Variants in AP2S1 observed in about 807,000 individuals in gnomAD.
AP2S1 encodes the protein adaptor related protein complex 2 subunit sigma 1.
A neutral mutation model predicts 21.0 loss-of-function variants in AP2S1; 6 were observed. That is an observed-to-expected ratio of 0.29 (90% CI 0.16 to 0.56). The LOEUF (loss-of-function observed/expected upper bound fraction) is 0.56. Ranked by LOEUF, AP2S1 falls within the 20% of genes least tolerant of loss-of-function variation. The pLI is 0.92. For synonymous variants in AP2S1, 63 were observed against 74.6 expected (o/e 0.84, Z 0.80); for missense variants, 60 against 186.2 (o/e 0.32, Z 3.95).
intron 2 of AP2S1, among the ~76,000 whole-genome samples, chr19:46,842,028 A>AAAATTAG (rs1477539211): frequency 1.3e-5 from 2 of 152,028 alleles, no homozygotes; most frequent in Admixed American, 1.3e-4. Flanking sequence ...AAACATACAA[A>AAAATTAG]AAATTAGTTG....
intron 1 of AP2S1, among the ~76,000 whole-genome samples, chr19:46,848,429 A>C (rs2055674874): frequency 6.6e-6 from 1 of 152,216 alleles, no homozygotes; most frequent in South Asian, 2.1e-4. Context: ...ACTGGCACGT[A>C]CTAAGTGTTA....
At chr19:46,839,294 A>AC in intron 3 of AP2S1, among the ~76,000 whole-genome samples, 171 bp downstream of exon 3, 1 of 43,716 alleles carries the variant, frequency 2.3e-5, no homozygotes, top group Non-Finnish European at 4.2e-5. Flanking sequence ...CTCAAAAAAA[A>AC]AAAAAAAAAA....
chr19:46,847,694 A>G (rs1332393911), intron 1 of AP2S1, among the ~76,000 whole-genome samples: 1 of 151,544 alleles, frequency 6.6e-6, no homozygotes, highest in African/African-American at 2.4e-5. Flanking sequence ...GGAATCATGC[A>G]CTCTGTGGCT....
chr19:46,838,536 C>T lies in AP2S1; in HGVS notation c.340G>A (p.Val114Met). 1.2e-6 allele frequency: 2 copies of T among 1,614,232 alleles called. No homozygotes were observed. The highest frequency in any genetic ancestry group is 1.7e-6 in the Non-Finnish European group (2 of 1,180,042). ...TCGCCAGCCAGGAACATCTCGTCCA[C>T]GACCGTGTAAACCTGTGTGAGGGGA... Reference protein sequence around the residue: ...VFNFYKVYTVVDEMFLAGEIR... With the variant: ...VFNFYKVYTVMDEMFLAGEIR... The change falls in exon 5 of 5, where the codon GTG (valine) becomes ATG (methionine). Residue 114 changes from valine to methionine, a missense_variant. By Grantham distance (21) the Val-to-Met change is conservative. Transcript: ENST00000263270. The surrounding 1 kb of genome is among the most constrained non-coding windows in gnomAD (Gnocchi z 4.1).
In AP2S1 at chr19:46,838,746, G is replaced by A. The variant is rs1377598464; in HGVS notation, c.321C>T (p.Phe107=). The A allele has an allele frequency of 1.2e-6, 2 of 1,613,228 alleles. No homozygotes were observed. Among genetic ancestry groups the A allele is most frequent in the Non-Finnish European group, 1.7e-6 (2 of 1,179,314 alleles). Reference sequence around the variant, plus strand: ...CTCTTCACCAGGAGCCTACCTTGTAGAAGTTGAACACCAGGTCCAGTTCAC... The same window carrying A: ...CTCTTCACCAGGAGCCTACCTTGTAAAAGTTGAACACCAGGTCCAGTTCAC... The part of the protein sequence containing the change: ...NVCELDLVFN[F]YKVYTVVDEM... The change falls in exon 4 of 5, where the codon TTC becomes TTT. Residue 107 remains phenylalanine (F), a synonymous_variant. Coordinates refer to ENST00000263270, the MANE Select transcript of AP2S1 (RefSeq NM_004069.6). The surrounding 1 kb of genome is among the most constrained non-coding windows in gnomAD (Gnocchi z 4.1).
intron 2 of AP2S1, among the ~76,000 whole-genome samples, chr19:46,842,193 T>TAATAAC (rs940407645): frequency 2.0e-5 from 3 of 151,828 alleles, no homozygotes; most frequent in African/African-American, 7.3e-5. Flanking sequence ...ATAATAATAA[T>TAATAAC]AATAACAAGA....
intron 2 of AP2S1, among the ~76,000 whole-genome samples, chr19:46,840,752 C>G (rs1435424308): frequency 7.5e-6 from 1 of 132,990 alleles, no homozygotes; most frequent in Non-Finnish European, 1.5e-5. Context: ...GAGTCTGGCT[C>G]TGACGCCCAG....
In AP2S1 at chr19:46,838,514, C is replaced by T; in HGVS notation, c.362G>A (p.Gly121Asp). The T allele has an allele frequency of 6.2e-7, 1 of 1,614,186 alleles. No homozygotes were observed. Among genetic ancestry groups the T allele is most frequent in the Non-Finnish European group, 8.5e-7 (1 of 1,180,022 alleles). The change falls in exon 5 of 5, where the codon GGC becomes GAC. Residue 121 changes from glycine (G) to aspartate (D), a missense_variant. Gly to Asp is a moderately conservative substitution (Grantham distance 94). Coordinates refer to ENST00000263270, the MANE Select transcript of AP2S1 (RefSeq NM_004069.6). This position sits in a 1 kb window ranked among gnomAD's most constrained non-coding sequence, Gnocchi z 4.1. ...YTVVDEMFLA[G>D]EIRETSQTKV... Reference sequence around the variant, plus strand: ...CGTCTGGCTGGTCTCTCGGATTTCGCCAGCCAGGAACATCTCGTCCACGAC... The same window carrying T: ...CGTCTGGCTGGTCTCTCGGATTTCGTCAGCCAGGAACATCTCGTCCACGAC...
intron 2 of AP2S1, among the ~76,000 whole-genome samples, chr19:46,841,192 G>A (rs931929532): frequency 2.6e-5 from 4 of 152,082 alleles, no homozygotes; most frequent in Middle Eastern, 3.2e-3. Context: ...GACCTCAGAT[G>A]ATCCACCTGC....
chr19:46,843,272 C>T (rs1332791115), intron 2 of AP2S1, among the ~76,000 whole-genome samples: 1 of 152,194 alleles, frequency 6.6e-6, no homozygotes, highest in Non-Finnish European at 1.5e-5. Flanking sequence ...CAGCATCTCC[C>T]ACCTGGACCA....
At chr19:46,843,443 C>T (rs1317816348) in intron 2 of AP2S1, among the ~76,000 whole-genome samples, 1 of 152,128 alleles carries the variant, frequency 6.6e-6, no homozygotes, top group African/African-American at 2.4e-5. Flanking sequence ...AAAAATTAGC[C>T]AGGCGTGGTC....
At position 46,846,145 on chromosome 19, in the gene AP2S1, G is replaced by A. The variant is rs754512117; in HGVS notation, c.4-3C>T. On this transcript the variant is annotated splice_polypyrimidine_tract_variant and splice_region_variant and intron_variant, in intron 1 of 4. Transcript: ENST00000263270. ...TTCTGGATGAGGATAAAGCGGATCT[G>A]GGGGCAGCAGGAGGAGAAGGAGGAA... 1 of 1,613,962 alleles carries A rather than the reference G, an allele frequency of 6.2e-7. No individual in the cohort carries two copies. The highest frequency in any genetic ancestry group is 8.5e-7 in the Non-Finnish European group (1 of 1,179,924).
At chr19:46,848,633 C>G (rs2055677759) in intron 1 of AP2S1, among the ~76,000 whole-genome samples, 1 of 152,132 alleles carries the variant, frequency 6.6e-6, no homozygotes, top group Non-Finnish European at 1.5e-5. Context: ...GGTGGGAGTC[C>G]AAAGGCTTTG....
At chr19:46,845,631 C>A in intron 2 of AP2S1, 1 of 170,388 alleles carries the variant, frequency 5.9e-6, no homozygotes, top group Admixed American at 5.8e-5. Flanking sequence ...GTTTGAAAAA[C>A]GCACCAGCAA....
intron 1 of AP2S1, chr19:46,850,278 C>A: frequency 2.4e-6 from 3 of 1,235,026 alleles, no homozygotes; most frequent in Non-Finnish European, 2.0e-6. Flanking sequence ...GTCTCAACAT[C>A]CCCTCTCCAC....
rs781138883 is a variant in AP2S1, at chr19:46,840,720, A to ATTTTTT, written c.154-1148_154-1143dup. Among the ~76,000 whole-genome samples the ATTTTTT allele has an allele frequency of 4.5e-3, 494 of 110,710 alleles. 17 individuals are homozygous for ATTTTTT. The highest frequency in any genetic ancestry group is 0.017 in the African/African-American group (453 of 27,066). The allele number at this position is 110,710 out of a possible 152,430, so 72.6% of individuals were successfully genotyped here. On this transcript the variant is annotated intron_variant, in intron 2 of 4. Transcript: ENST00000263270. ...ATGAGTGCCAGCATCAGTCTTCGGC[A>ATTTTTT]TTTTTTTTTTTTTTTTTTTTTGAGT...
chr19:46,841,748 A>G (rs1237295380), intron 2 of AP2S1, among the ~76,000 whole-genome samples: 1 of 152,230 alleles, frequency 6.6e-6, no homozygotes, highest in Non-Finnish European at 1.5e-5. Context: ...GGGACCTTAT[A>G]TGGCAAAAAG....
At chr19:46,839,443 T>TAAAA in intron 3 of AP2S1, 22 bp downstream of exon 3, 1 of 680,432 alleles carries the variant, frequency 1.5e-6, no homozygotes, top group Non-Finnish European at 2.4e-6. Context: ...CCTCCCCACC[T>TAAAA]TACATCCCTC....
chr19:46,845,951 C>T (rs531120785), intron 2 of AP2S1, 42 bp downstream of exon 2: 7 of 1,611,044 alleles, frequency 4.3e-6, no homozygotes, highest in South Asian at 1.1e-5. Context: ...AAGTAGGGCA[C>T]GAGGAAGCAG....
Sources: gnomAD v4.1 joint callset for allele counts (sites outside exome capture counted in the v4.1 genomes callset) on GRCh38, gnomAD v4.1.1 for gene constraint, Gnocchi (gnomAD v3.1) non-coding constraint, MANE v1.5 for transcripts, NCBI Gene and HGNC (gene_info 2026-07-23, HGNC 2026-07-21) for gene names.